NFIA: variants seen among roughly 807,000 people sequenced by gnomAD.
The protein encoded by NFIA is nuclear factor 1 A-type.
In NFIA, 8 loss-of-function variants were observed where a neutral mutation model predicts 62.8. The observed-to-expected ratio is 0.13, with a 90% CI of 0.07 to 0.23. The LOEUF is 0.23. Among genes scored for constraint, NFIA ranks in the 10% least tolerant of loss-of-function variants. The pLI is 1.00. For synonymous variants in NFIA, 235 were observed against 238.1 expected (o/e 0.99, Z 0.12); for missense variants, 410 against 642.1 (o/e 0.64, Z 3.91).
intron 2 of NFIA, among the ~76,000 whole-genome samples, chr1:61,112,883 A>G (rs1441290619): frequency 1.3e-5 from 2 of 152,144 alleles, no homozygotes; most frequent in Non-Finnish European, 2.9e-5. Flanking sequence ...TGGACATACA[A>G]TGTCATCTGC....
chr1:61,395,937 C>A (rs189835647), intron 7 of NFIA, among the ~76,000 whole-genome samples: 2 of 152,274 alleles, frequency 1.3e-5, no homozygotes, highest in East Asian at 3.9e-4. Context: ...AAAAGCCTTC[C>A]TTATTTCAAT....
intron 2 of NFIA, among the ~76,000 whole-genome samples, chr1:61,106,789 T>C (rs946161173): frequency 6.6e-6 from 1 of 151,606 alleles, no homozygotes; most frequent in Non-Finnish European, 1.5e-5. Context: ...TCTTTTCCTC[T>C]CCCATTACCC....
chr1:61,151,125 AT>A (rs2100520822), intron 2 of NFIA, among the ~76,000 whole-genome samples: 1 of 152,320 alleles, frequency 6.6e-6, no homozygotes. Flanking sequence ...GCTTAAGGGA[AT>A]CTTGCCTCCC....
At chr1:61,093,776 T>C (rs1307647814) in intron 2 of NFIA, among the ~76,000 whole-genome samples, 1 of 152,220 alleles carries the variant, frequency 6.6e-6, no homozygotes, top group Non-Finnish European at 1.5e-5. Flanking sequence ...GCTAAGAGGT[T>C]GAGTGTGTTG....
intron 2 of NFIA, among the ~76,000 whole-genome samples, chr1:61,091,424 T>A (rs952029459): frequency 2.0e-5 from 3 of 152,196 alleles, no homozygotes; most frequent in African/African-American, 7.2e-5. Context: ...ATTCCAGTTT[T>A]TTCCCTCTAA....
At chr1:61,259,685 G>T (rs1052264061) in intron 2 of NFIA, among the ~76,000 whole-genome samples, 2 of 152,360 alleles carry the variant, frequency 1.3e-5, no homozygotes, top group African/African-American at 4.8e-5. Context: ...GACTAACAGA[G>T]ATTGGGAAAG....
At chr1:61,159,184 T>A (rs1241966225) in intron 2 of NFIA, among the ~76,000 whole-genome samples, 1 of 152,156 alleles carries the variant, frequency 6.6e-6, no homozygotes, top group Non-Finnish European at 1.5e-5. Flanking sequence ...ATATTTTTTT[T>A]AAAGGCAAAA....
intron 6 of NFIA, among the ~76,000 whole-genome samples, chr1:61,364,198 A>G (rs1480051749): frequency 6.6e-6 from 1 of 152,092 alleles, no homozygotes; most frequent in African/African-American, 2.4e-5. Flanking sequence ...CTCCTGCCTC[A>G]GCCTCCCAAA....
At chr1:61,192,744 G>A (rs1479103343) in intron 2 of NFIA, among the ~76,000 whole-genome samples, 1 of 152,042 alleles carries the variant, frequency 6.6e-6, no homozygotes, top group African/African-American at 2.4e-5. Context: ...AAGTAAGGAA[G>A]GAGTTGTGTG....
At chr1:61,230,145 C>G (rs1654582474) in intron 2 of NFIA, among the ~76,000 whole-genome samples, 1 of 152,032 alleles carries the variant, frequency 6.6e-6, no homozygotes, top group Non-Finnish European at 1.5e-5. Flanking sequence ...GAAAATTTAG[C>G]AGAAGATCTA....
chr1:61,180,133 C>T (rs573749301), intron 2 of NFIA, among the ~76,000 whole-genome samples: 2 of 152,190 alleles, frequency 1.3e-5, no homozygotes, highest in African/African-American at 2.4e-5. Flanking sequence ...CTGATTGTGT[C>T]CCCTCCCATC....
In NFIA at chr1:61,082,596, C is replaced by CT. The variant is rs1646128318; in HGVS notation, c.-195dup. ...TTCAGCTCATGGAGCGGCAATAGCG[C>CT]TGGCTGGCTGGCTGCAGTTGAGCCG... is the stretch of plus-strand genomic sequence containing the variant. On this transcript the variant is annotated 5_prime_UTR_variant, in exon 1 of 11. Transcript: ENST00000403491. The CT allele has an allele frequency of 6.8e-7, 1 of 1,468,068 alleles. No individual in the cohort carries two copies. The highest frequency in any genetic ancestry group is 1.4e-5 in the South Asian group (1 of 71,454). The allele number at this position is 1,468,068 out of a possible 1,614,324, so 90.9% of individuals were successfully genotyped here. A position where few individuals can be genotyped will look rare whatever the true frequency, so the allele number is the denominator to read the frequency against.
intron 2 of NFIA, among the ~76,000 whole-genome samples, chr1:61,183,885 C>T (rs1650929605): frequency 6.6e-6 from 1 of 152,000 alleles, no homozygotes; most frequent in Non-Finnish European, 1.5e-5. Context: ...GTGCTTCTCT[C>T]CAAAACGTAC....
chr1:61,236,744 A>G lies in NFIA; in HGVS notation c.560-40776A>G, dbSNP rs867794245. Reference sequence around the variant, plus strand: ...TATTCATCAGTGGTATTAACGTGTGAAGGACATAACCAAGGACTTAGTCCA... The same window carrying G: ...TATTCATCAGTGGTATTAACGTGTGGAGGACATAACCAAGGACTTAGTCCA... On this transcript the variant is annotated intron_variant, in intron 2 of 10. Coordinates refer to ENST00000403491, the MANE Select transcript of NFIA (RefSeq NM_001134673.4). Among the ~76,000 whole-genome samples the G allele has an allele frequency of 2.0e-5, 3 of 152,274 alleles. No homozygotes were observed. The Middle Eastern group carries it at 0.01, about 518-fold the overall frequency.
chr1:61,444,402 A>G (rs984324558), intron 10 of NFIA, among the ~76,000 whole-genome samples: 4 of 152,198 alleles, frequency 2.6e-5, no homozygotes, highest in African/African-American at 9.7e-5. Context: ...ATGCCTGAGA[A>G]AGCAGTCCAG....
At chr1:61,435,447 T>C (rs936519110) in intron 10 of NFIA, among the ~76,000 whole-genome samples, 1 of 152,210 alleles carries the variant, frequency 6.6e-6, no homozygotes, top group Admixed American at 6.5e-5. Context: ...CCCATGCCGT[T>C]CCTAACATTC....
At chr1:61,368,007 G>A (rs759277526) in intron 6 of NFIA, among the ~76,000 whole-genome samples, 1 of 152,208 alleles carries the variant, frequency 6.6e-6, no homozygotes, top group Non-Finnish European at 1.5e-5. Context: ...GCAGAGCGAT[G>A]TATACGTTTG....
At chr1:61,123,887 A>C (rs1646927950) in intron 2 of NFIA, among the ~76,000 whole-genome samples, 1 of 152,206 alleles carries the variant, frequency 6.6e-6, no homozygotes, top group Non-Finnish European at 1.5e-5. Context: ...AAAATAAGAG[A>C]ATTGAAATTG....
intron 9 of NFIA, among the ~76,000 whole-genome samples, chr1:61,409,809 G>C (rs1666016803): frequency 6.6e-6 from 1 of 152,124 alleles, no homozygotes. Flanking sequence ...TCCCCGAAGA[G>C]GAAGAGACAG....
Sources: allele counts gnomAD v4.1 joint callset (sites outside exome capture counted in the v4.1 genomes callset), GRCh38; gene constraint gnomAD v4.1.1; transcripts MANE v1.5; gene names NCBI Gene and HGNC (gene_info 2026-07-23, HGNC 2026-07-21).